The following HECW1 variants were observed in gnomAD, a reference collection of about 807,000 sequenced individuals.
HECW1 encodes HECT, C2 and WW domain containing E3 ubiquitin protein ligase 1.
HECW1 carries 61 observed loss-of-function variants against 182.3 expected under a neutral mutation model. The observed-to-expected ratio is 0.33, with a 90% CI of 0.27 to 0.41. The LOEUF (loss-of-function observed/expected upper bound fraction) is 0.41, where lower values mean the gene tolerates loss of function less well. Among genes scored for constraint, HECW1 ranks in the 10% least tolerant of loss-of-function variants. The pLI is 1.00. For missense variants in HECW1, 1,739 were observed against 2,108.9 expected (o/e 0.82, Z 3.44); for synonymous variants, 859 against 832.6 (o/e 1.03, Z -0.55).
chr7:43,329,448 C>T (rs1021357254), intron 5 of HECW1, among the ~76,000 whole-genome samples: 1 of 151,648 alleles, frequency 6.6e-6, no homozygotes, highest in African/African-American at 2.4e-5. Flanking sequence ...GGCATAAAAA[C>T]AGGTGAGAAA....
chr7:43,461,176 T>C (rs2077570312), intron 13 of HECW1, among the ~76,000 whole-genome samples: 1 of 152,204 alleles, frequency 6.6e-6, no homozygotes, highest in African/African-American at 2.4e-5. Flanking sequence ...GGCAGTTCTC[T>C]CCCAGAATAT....
At chr7:43,382,250 C>T (rs2152828158) in intron 6 of HECW1, among the ~76,000 whole-genome samples, 1 of 151,656 alleles carries the variant, frequency 6.6e-6, no homozygotes, top group African/African-American at 2.4e-5. Flanking sequence ...CGCGCCACTG[C>T]ACTCCAGCCT....
At chr7:43,242,317 C>T (rs1032123967) in intron 2 of HECW1, among the ~76,000 whole-genome samples, 4 of 152,070 alleles carry the variant, frequency 2.6e-5, no homozygotes, top group African/African-American at 9.7e-5. Flanking sequence ...TTGGACCACG[C>T]TGGAGGAGGC....
At chr7:43,383,436 C>A (rs2074640474) in intron 6 of HECW1, among the ~76,000 whole-genome samples, 1 of 152,224 alleles carries the variant, frequency 6.6e-6, no homozygotes, top group Non-Finnish European at 1.5e-5. Context: ...ACAGCCTCGC[C>A]AGCATCTGTT....
intron 2 of HECW1, among the ~76,000 whole-genome samples, chr7:43,228,617 C>T (rs2152707551): frequency 6.6e-6 from 1 of 152,242 alleles, no homozygotes; most frequent in African/African-American, 2.4e-5. Context: ...TATTCATAGC[C>T]TTTCACTCAG....
chr7:43,283,959 C>T (rs1401936542), intron 3 of HECW1, among the ~76,000 whole-genome samples: 1 of 152,190 alleles, frequency 6.6e-6, no homozygotes, highest in African/African-American at 2.4e-5. Flanking sequence ...ACAGCCACAC[C>T]TCTTCCCAGC....
intron 5 of HECW1, among the ~76,000 whole-genome samples, chr7:43,330,033 A>C (rs1001264316): frequency 2.0e-5 from 3 of 152,210 alleles, no homozygotes; most frequent in African/African-American, 7.2e-5. Flanking sequence ...CAAGAGGAAG[A>C]AGAAGAGAAA....
At chr7:43,256,471 T>C (rs1203796189) in intron 3 of HECW1, among the ~76,000 whole-genome samples, 2 of 151,698 alleles carry the variant, frequency 1.3e-5, no homozygotes, top group Non-Finnish European at 2.9e-5. Context: ...TAGCCAGCCG[T>C]GGTGGCAGGC....
At chr7:43,329,147 T>C (rs1354884839) in intron 5 of HECW1, among the ~76,000 whole-genome samples, 1 of 97,354 alleles carries the variant, frequency 1.0e-5, no homozygotes, top group African/African-American at 2.8e-5. Flanking sequence ...ACTCGGCCAG[T>C]TGGGAAGGAA....
intron 27 of HECW1, among the ~76,000 whole-genome samples, chr7:43,551,247 T>C (rs2081814897): frequency 6.6e-6 from 1 of 152,118 alleles, no homozygotes; most frequent in Non-Finnish European, 1.5e-5. Flanking sequence ...CTGGGTACAC[T>C]TGGCACAAGA....
chr7:43,185,970 G>A (rs1210049197), intron 2 of HECW1, among the ~76,000 whole-genome samples: 5 of 152,158 alleles, frequency 3.3e-5, no homozygotes, highest in Admixed American at 2.6e-4. Context: ...GATGGGATAT[G>A]GGTTAGGTTG....
At chr7:43,220,737 G>C (rs1796869932) in intron 2 of HECW1, among the ~76,000 whole-genome samples, 2 of 152,186 alleles carry the variant, frequency 1.3e-5, no homozygotes, top group Admixed American at 6.5e-5. Context: ...TTGACGTGTT[G>C]GTGCCTGGGC....
At chr7:43,396,567 C>T (rs1309463203) in intron 6 of HECW1, 2 of 409,696 alleles carry the variant, frequency 4.9e-6, no homozygotes, top group African/African-American at 4.0e-5. Context: ...TTTTCTATTA[C>T]AGTAATTGTG....
At chr7:43,180,873 A>G (rs7808143) in intron 2 of HECW1, among the ~76,000 whole-genome samples, 36,718 of 152,058 alleles carry the variant, frequency 0.24, 4,627 homozygotes, top group Middle Eastern at 0.27. Context: ...TCTTGTAACT[A>G]TTTTGAAATA....
chr7:43,234,725 T>G (rs187284442), intron 2 of HECW1, among the ~76,000 whole-genome samples: 1 of 152,194 alleles, frequency 6.6e-6, no homozygotes, highest in East Asian at 1.9e-4. Context: ...ATTTATTGTG[T>G]TTTTGGTTGC....
At chr7:43,329,777 G>A (rs1011730065) in intron 5 of HECW1, among the ~76,000 whole-genome samples, 2 of 152,164 alleles carry the variant, frequency 1.3e-5, no homozygotes, top group Non-Finnish European at 2.9e-5. Flanking sequence ...AGCAACTGCT[G>A]TGTGAAGTGA....
At chr7:43,287,758 A>G (rs1428231423) in intron 3 of HECW1, among the ~76,000 whole-genome samples, 1 of 152,242 alleles carries the variant, frequency 6.6e-6, no homozygotes, top group South Asian at 2.1e-4. Flanking sequence ...GGAAGATAGC[A>G]GTGGGAGACT....
intron 16 of HECW1, among the ~76,000 whole-genome samples, chr7:43,478,775 C>T (rs2078314273): frequency 6.6e-6 from 1 of 151,902 alleles, no homozygotes; most frequent in Non-Finnish European, 1.5e-5. Flanking sequence ...TGAAAATATA[C>T]ACATTCTATA....
At chr7:43,445,657 G>A (rs1322121726) in intron 11 of HECW1, 87 bp downstream of exon 11, 12 of 1,436,706 alleles carry the variant, frequency 8.4e-6, no homozygotes, top group Non-Finnish European at 1.0e-5. Context: ...GAAGGGCGGG[G>A]GATCGGTGTC....
Sources: gnomAD v4.1 joint callset for allele counts (sites outside exome capture counted in the v4.1 genomes callset) on GRCh38, gnomAD v4.1.1 for gene constraint, MANE v1.5 for transcripts, NCBI Gene and HGNC (gene_info 2026-07-23, HGNC 2026-07-21) for gene names.